EXOC3L4: variants seen among roughly 807,000 people sequenced by gnomAD.
EXOC3L4 encodes the protein exocyst complex component 3 like 4.
EXOC3L4 carries 62 observed loss-of-function variants against 69.7 expected under a neutral mutation model. The observed-to-expected ratio is 0.89, with a 90% CI of 0.72 to 1.10. EXOC3L4 has a LOEUF of 1.10. EXOC3L4 is among the 50% of genes least tolerant of loss of function. EXOC3L4 has a pLI of 0.00. For synonymous variants in EXOC3L4, 502 were observed against 464.2 expected, an observed-to-expected ratio of 1.08 and a Z score of -1.05; for missense variants, 1,087 against 1,034.8, an observed-to-expected ratio of 1.05 and a Z score of -0.69.
chr14:103,106,214 C>T (rs555269623), intron 7 of EXOC3L4, among the ~76,000 whole-genome samples: 63 of 152,368 alleles, frequency 4.1e-4, no homozygotes, highest in African/African-American at 1.5e-3. Flanking sequence ...ACTAGGCCTG[C>T]CTAAATCCAA....
At chr14:103,098,318 C>T (rs74083808) in intron 1 of EXOC3L4, among the ~76,000 whole-genome samples, 2,434 of 152,168 alleles carry the variant, frequency 0.016, 64 homozygotes, top group African/African-American at 0.052. Context: ...AGCTTCTGGG[C>T]GGCAGTTCTG....
At chr14:103,098,011 T>A (rs1327647103) in intron 1 of EXOC3L4, among the ~76,000 whole-genome samples, 3 of 151,980 alleles carry the variant, frequency 2.0e-5, no homozygotes, top group African/African-American at 7.3e-5. Flanking sequence ...GCTGGACTTT[T>A]GCTTTGGGAA....
At chr14:103,102,919 C>T (rs917604280) in intron 3 of EXOC3L4, 147 bp downstream of exon 3, 17 of 872,212 alleles carry the variant, frequency 1.9e-5, no homozygotes, top group Non-Finnish European at 2.5e-5. Context: ...GACATGCTTT[C>T]CTCGGCGGGT....
chr14:103,106,845 G>A lies in EXOC3L4; in HGVS notation c.1527G>A (p.Thr509=), dbSNP rs763187705. 4.8e-5 allele frequency: 76 copies of A among 1,595,252 alleles called. No homozygotes were observed. The highest frequency in any genetic ancestry group is 2.2e-5 in the East Asian group (1 of 44,516). The change falls in exon 8 of 12, where the codon ACG becomes ACA. Residue 509 remains threonine (T), a synonymous_variant. Transcript: ENST00000688303. ...AGGAGCTGGAGAAGCCCCTGGTGACGGCCACCTGCAGCTTCCAGAAGCACT... is the reference window on the plus strand; with the variant it reads ...AGGAGCTGGAGAAGCCCCTGGTGACAGCCACCTGCAGCTTCCAGAAGCACT... ...TQEELEKPLV[T]ATCSFQKHLL... is the part of the protein sequence containing the mutation.
rs1337359588 is a variant in EXOC3L4 at position 103,102,768 on chromosome 14, G to C, written c.1045G>C (p.Gly349Arg). 3 of 1,349,386 alleles carry C rather than the reference G, an allele frequency of 2.2e-6. No homozygotes were observed. In the Admixed American group the frequency reaches 1.1e-4, roughly 51 times the overall value. 83.6% of individuals were successfully genotyped at this position (1,349,386 alleles called of 1,614,324 possible). A position where few individuals can be genotyped will look rare whatever the true frequency, so the allele number is the denominator to read the frequency against. The change falls in exon 3 of 12, where the codon GGC (glycine) becomes CGC (arginine). Residue 349 changes from glycine to arginine, a missense_variant. Transcript: ENST00000688303. Reference protein sequence around the residue: ...ILLDWAANVYGSPDFLGAPGL... With the variant: ...ILLDWAANVYRSPDFLGAPGL... ...GCTGGACTGGGCCGCCAACGTCTACGGCAGGTGAGTCTCGGCCAGGGCGCC... is the reference window on the plus strand; with the variant it reads ...GCTGGACTGGGCCGCCAACGTCTACCGCAGGTGAGTCTCGGCCAGGGCGCC...
chr14:103,105,312 G>A (rs1337424275), intron 7 of EXOC3L4, among the ~76,000 whole-genome samples: 1 of 151,566 alleles, frequency 6.6e-6, no homozygotes, highest in African/African-American at 2.4e-5. Flanking sequence ...GTGTGCATGC[G>A]TGGAGAGCTG....
intron 10 of EXOC3L4, 81 bp from the exon 11 acceptor site, chr14:103,108,315 G>T (rs1247215420): frequency 2.6e-6 from 4 of 1,564,642 alleles, no homozygotes; most frequent in Admixed American, 1.8e-5. Flanking sequence ...GGCTGACCTC[G>T]CACTGACCTC....
In EXOC3L4 at chr14:103,102,719, CGGCTGCG is replaced by C. The variant is rs769108922; in HGVS notation, c.997_1003del (p.Gly333SerfsTer100). ...TCCAGGAGCTCGCGCGCGACGCCCG[CGGCTGCG>C]AGCAGCTCTATATCCTGCTGGACTG... On this transcript the variant is annotated frameshift_variant, in exon 3 of 12. Transcript: ENST00000688303. LOFTEE classifies it high-confidence loss of function. 3.9e-5 allele frequency: 56 copies of C among 1,453,964 alleles called. No individual in the cohort carries two copies. The highest frequency in any genetic ancestry group is 5.0e-5 in the Non-Finnish European group (55 of 1,107,346). 90.1% of individuals were successfully genotyped at this position (1,453,964 alleles called of 1,614,324 possible).
chr14:103,107,352 C>A (rs890500724), intron 8 of EXOC3L4, 72 bp from the exon 9 acceptor site: 95 of 1,568,388 alleles, frequency 6.1e-5, no homozygotes, highest in Non-Finnish European at 7.3e-5. Context: ...GAGTGGCACA[C>A]TGGGCTTCGA....
chr14:103,109,888 G>A (rs1050161236), intron 11 of EXOC3L4, 143 bp from the exon 12 acceptor site: 96 of 885,008 alleles, frequency 1.1e-4, no homozygotes, highest in Non-Finnish European at 1.3e-4. Context: ...GCTCTTCCTG[G>A]CCTCAGTCAA....
At chr14:103,104,245 G>A (rs768445719) in intron 4 of EXOC3L4, 22 bp from the exon 5 acceptor site, 22 of 1,558,524 alleles carry the variant, frequency 1.4e-5, no homozygotes, top group South Asian at 3.6e-5. Flanking sequence ...GTCTCACCAC[G>A]GCCCATCCCT....
chr14:103,102,619 C>T lies in EXOC3L4; in HGVS notation c.896C>T (p.Pro299Leu), dbSNP rs371500721. 1.6e-3 allele frequency: 2,418 copies of T among 1,500,098 alleles called. 6 individuals are homozygous for T. The highest frequency in any genetic ancestry group is 1.9e-3 in the Non-Finnish European group (2,185 of 1,129,824). The allele number at this position is 1,500,098 out of a possible 1,614,324, so 92.9% of individuals were successfully genotyped here. A position where few individuals can be genotyped will look rare whatever the true frequency, so the allele number is the denominator to read the frequency against. ...DLQKVRQEVQPAYAAAGFPAW... is the reference protein window; with the variant it reads ...DLQKVRQEVQLAYAAAGFPAW... ...CAGAAGGTGCGGCAGGAGGTGCAGC[C>T]CGCGTATGCGGCGGCCGGCTTCCCA... The change falls in exon 3 of 12, where the codon CCC (proline) becomes CTC (leucine). Residue 299 changes from proline (P) to leucine (L), a missense_variant. Transcript: ENST00000688303.
chr14:103,106,001 A>G (rs548435026), intron 7 of EXOC3L4, among the ~76,000 whole-genome samples: 2 of 152,018 alleles, frequency 1.3e-5, no homozygotes, highest in Non-Finnish European at 2.9e-5. Flanking sequence ...GTGGTGTGGG[A>G]CCTCTGTGCC....
At chr14:103,098,899 C>A (rs538133208) in intron 1 of EXOC3L4, 1 of 152,332 alleles carries the variant, frequency 6.6e-6, no homozygotes, top group Non-Finnish European at 1.5e-5. Context: ...GCTTAGCCGC[C>A]TCTGGGAACC....
chr14:103,101,564 C>T (rs1890186698), intron 2 of EXOC3L4, among the ~76,000 whole-genome samples: 1 of 152,142 alleles, frequency 6.6e-6, no homozygotes, highest in South Asian at 2.1e-4. Context: ...GGGCCATGCA[C>T]ACAGCTGATC....
chr14:103,106,343 G>A (rs1595251241), intron 7 of EXOC3L4, among the ~76,000 whole-genome samples: 1 of 152,224 alleles, frequency 6.6e-6, no homozygotes, highest in African/African-American at 2.4e-5. Context: ...CCCTTGGTAG[G>A]CAGCCTCTGG....
Position 103,104,796 on chromosome 14 carries a change from C to A in EXOC3L4, c.1343C>A (p.Thr448Asn), listed in dbSNP as rs1890439883. Reference protein sequence around the residue: ...GAISAELEATTLRICTRALGL... With the variant: ...GAISAELEATNLRICTRALGL... ...ATCTCCGCGGAGCTGGAGGCCACCA[C>A]CCTGCGAATCTGCACGCGGGCGCTC... Residue 448 changes from threonine to asparagine, a missense_variant, in exon 6 of 12, where the codon ACC becomes AAC. Thr to Asn is a moderately conservative substitution (Grantham distance 65). Coordinates refer to ENST00000688303, the MANE Select transcript of EXOC3L4 (RefSeq NM_001077594.2). 1 of 1,525,392 alleles carries A rather than the reference C, an allele frequency of 6.6e-7. No homozygotes were observed. Among genetic ancestry groups the A allele is most frequent in the East Asian group, 2.5e-5 (1 of 40,266 alleles). The allele number at this position is 1,525,392 out of a possible 1,614,324, so 94.5% of individuals were successfully genotyped here.
rs1196949604 is a variant in EXOC3L4, at chr14:103,097,420, T to C, written c.-17+2580T>C. On this transcript the variant is annotated intron_variant, in intron 1 of 11. Transcript: ENST00000688303. The surrounding 1 kb of genome is among the most constrained non-coding windows in gnomAD (Gnocchi z 4.9). ...AGAAAAGAGAGCCAGAGAGAGTCCA[T>C]GGGGGTGTGGGGAGGCAGGCACAGG... is the stretch of plus-strand genomic sequence containing the variant. 6.6e-6 allele frequency among the ~76,000 whole-genome samples: 1 copy of C among 151,368 alleles called. No homozygotes were observed. Among genetic ancestry groups the C allele is most frequent in the Non-Finnish European group, 1.5e-5 (1 of 67,812 alleles).
At position 103,110,520 on chromosome 14, in the gene EXOC3L4, A is replaced by G. The variant is rs1229238734; in HGVS notation, c.*297A>G. 4 of 520,484 alleles carry G rather than the reference A, an allele frequency of 7.7e-6. No individual in the cohort carries two copies. The highest frequency in any genetic ancestry group is 1.4e-5 in the Non-Finnish European group (4 of 283,900). The allele number at this position is 520,484 out of a possible 1,614,324, so 32.2% of individuals were successfully genotyped here. A position where few individuals can be genotyped will look rare whatever the true frequency, so the allele number is the denominator to read the frequency against. ...GCTTCACCCTCCAGTCTGAAAGTGA[A>G]GAGCAGAGTATTTATTTAAAAAATA... On this transcript the variant is annotated 3_prime_UTR_variant, in exon 12 of 12. Coordinates refer to ENST00000688303, the MANE Select transcript of EXOC3L4 (RefSeq NM_001077594.2).
Sources: gnomAD v4.1 joint callset for allele counts (sites outside exome capture counted in the v4.1 genomes callset) on GRCh38, gnomAD v4.1.1 for gene constraint, Gnocchi (gnomAD v3.1) non-coding constraint, MANE v1.5 for transcripts, NCBI Gene and HGNC (gene_info 2026-07-23, HGNC 2026-07-21) for gene names.